The following THADA variants were observed in gnomAD, a reference collection of about 807,000 sequenced individuals.
The protein encoded by THADA is THADA armadillo repeat containing.
THADA carries 213 observed loss-of-function variants against 219.8 expected under a neutral mutation model. The observed-to-expected ratio is 0.97, with a 90% confidence interval of 0.87 to 1.09. The LOEUF (loss-of-function observed/expected upper bound fraction) is 1.09, where lower values mean the gene tolerates loss of function less well. Among genes scored for constraint, THADA ranks in the 50% least tolerant of loss-of-function variants. The pLI, the probability that THADA is intolerant of heterozygous loss-of-function variation, is 0.00. For synonymous variants in THADA, 1,018 were observed against 828.9 expected, an observed-to-expected ratio of 1.23 and a Z score of -3.92; for missense variants, 2,956 against 2,311.3, an observed-to-expected ratio of 1.28 and a Z score of -5.72.
intron 29 of THADA, among the ~76,000 whole-genome samples, chr2:43,385,028 C>T (rs1282935088): frequency 1.3e-5 from 2 of 151,942 alleles, no homozygotes; most frequent in Non-Finnish European, 2.9e-5. Flanking sequence ...GTAGTCCCTG[C>T]TATTTGGGAG....
At chr2:43,493,874 GTCT>G (rs1687953468) in intron 25 of THADA, among the ~76,000 whole-genome samples, 2 of 152,076 alleles carry the variant, frequency 1.3e-5, no homozygotes, top group African/African-American at 4.8e-5. Context: ...TTCCTGACTG[GTCT>G]TCTTCCTTCC....
At chr2:43,286,270 A>T (rs1673993833) in intron 35 of THADA, among the ~76,000 whole-genome samples, 1 of 152,162 alleles carries the variant, frequency 6.6e-6, no homozygotes, top group African/African-American at 2.4e-5. Context: ...TAGGGGACAG[A>T]AAAGGAAGGG....
At chr2:43,511,347 G>T (rs534217391) in intron 22 of THADA, among the ~76,000 whole-genome samples, 1 of 152,122 alleles carries the variant, frequency 6.6e-6, no homozygotes, top group African/African-American at 2.4e-5. Context: ...CCTCCCCTGG[G>T]CCTCCCTGAG....
At chr2:43,444,238 A>AGCATATCAAGAATGGTT (rs1365256336) in intron 26 of THADA, among the ~76,000 whole-genome samples, 1 of 152,174 alleles carries the variant, frequency 6.6e-6, no homozygotes, top group Non-Finnish European at 1.5e-5. Flanking sequence ...TGCACTTACT[A>AGCATATCAAGAATGGTT]GCATATCAAG....
At chr2:43,564,791 CA>C (rs1698474790) in intron 15 of THADA, 1 of 152,116 alleles carries the variant, frequency 6.6e-6, no homozygotes, top group Non-Finnish European at 1.5e-5. Flanking sequence ...AACATTCCTG[CA>C]AAAATGTACA....
intron 34 of THADA, among the ~76,000 whole-genome samples, chr2:43,287,985 A>C (rs1674243299): frequency 6.6e-6 from 1 of 152,238 alleles, no homozygotes; most frequent in Non-Finnish European, 1.5e-5. Flanking sequence ...GTGGGACCCT[A>C]AGATAGAAAC....
rs1274980791 is a variant in THADA at position 43,465,015 on chromosome 2, GA to G, written c.3836+20218del. On this transcript the variant is annotated intron_variant, in intron 26 of 37. Transcript: ENST00000405975. ...AAGATAAAAGCTGGTATATTTGGATGAAAAGAATCTTTTCCCTTAACATATT... is the reference window on the plus strand; with the variant it reads ...AAGATAAAAGCTGGTATATTTGGATGAAAGAATCTTTTCCCTTAACATATT... Among the ~76,000 whole-genome samples, 2 of 152,130 alleles carry G rather than the reference GA, an allele frequency of 1.3e-5. 1 individual carries two copies. Among genetic ancestry groups the G allele is most frequent in the East Asian group, 3.9e-4 (2 of 5,192 alleles).
chr2:43,365,443 C>T (rs775899989), intron 29 of THADA, among the ~76,000 whole-genome samples: 187 of 151,926 alleles, frequency 1.2e-3, no homozygotes, highest in Non-Finnish European at 2.3e-3. Flanking sequence ...TGGTGGCAGG[C>T]GCCTGTAGTC....
chr2:43,259,328 T>A (rs576660549), intron 36 of THADA, among the ~76,000 whole-genome samples: 1 of 152,338 alleles, frequency 6.6e-6, no homozygotes, highest in East Asian at 1.9e-4. Context: ...TCTTGATCCA[T>A]GAATGCTGGC....
At chr2:43,481,750 A>G (rs539092189) in intron 26 of THADA, among the ~76,000 whole-genome samples, 1 of 152,304 alleles carries the variant, frequency 6.6e-6, no homozygotes, top group South Asian at 2.1e-4. Context: ...AGTTCATGAT[A>G]AGTGCTTTCA....
rs1701484737 is a variant in THADA, at chr2:43,590,853, T to C, written c.273A>G (p.Leu91=). The change falls in exon 4 of 38, where the codon CTA becomes CTG. Residue 91 remains leucine, a synonymous_variant. Transcript: ENST00000405975. The part of the protein sequence containing the change: ...ILAGIYLSLS[L]KNPLKKVLAS... ...CCAATACTTTCTTCAAGGGATTCTT[T>C]AGACTCAAAGAAAGATAAATGCCTG... 2 of 1,613,806 alleles carry C rather than the reference T, an allele frequency of 1.2e-6. No homozygotes were observed. Among genetic ancestry groups the C allele is most frequent in the South Asian group, 1.1e-5 (1 of 91,078 alleles).
chr2:43,394,167 C>T (rs191103862), intron 29 of THADA, among the ~76,000 whole-genome samples: 3 of 152,290 alleles, frequency 2.0e-5, no homozygotes, highest in East Asian at 1.9e-4. Flanking sequence ...ATGAATCTGC[C>T]GCATAACCTC....
chr2:43,423,309 G>C (rs1357448306), intron 28 of THADA, among the ~76,000 whole-genome samples: 1 of 152,142 alleles, frequency 6.6e-6, no homozygotes, highest in Non-Finnish European at 1.5e-5. Flanking sequence ...AAAGTTGCAA[G>C]AGATTCTTTC....
intron 26 of THADA, among the ~76,000 whole-genome samples, chr2:43,474,530 T>C (rs1426429212): frequency 6.6e-6 from 1 of 152,204 alleles, no homozygotes; most frequent in Non-Finnish European, 1.5e-5. Context: ...AGTACTCAGA[T>C]CCTTGAACCT....
chr2:43,527,911 A>C lies in THADA; in HGVS notation c.3342T>G (p.Thr1114=). ...GTACTTCAGTGAGTTTCACAAAACC[A>C]GTATAAGCCAATTCAAATGCTCCTC... is the stretch of plus-strand genomic sequence containing the variant. ...RHRGAFELAY[T]GFVKLTEVLN... Residue 1114 remains threonine (T), a synonymous_variant, in exon 22 of 38, where the codon ACT becomes ACG. Coordinates refer to ENST00000405975, the MANE Select transcript of THADA (RefSeq NM_022065.5). 2 of 1,613,302 alleles carry C rather than the reference A, an allele frequency of 1.2e-6. No homozygotes were observed. The highest frequency in any genetic ancestry group is 1.7e-6 in the Non-Finnish European group (2 of 1,179,502).
chr2:43,421,041 C>T (rs1677653771), intron 28 of THADA, among the ~76,000 whole-genome samples: 1 of 152,176 alleles, frequency 6.6e-6, no homozygotes, highest in Admixed American at 6.5e-5. Context: ...TAAAACACCA[C>T]CATTAGAGTT....
At chr2:43,507,256 G>C (rs1689794756) in intron 23 of THADA, among the ~76,000 whole-genome samples, 1 of 152,114 alleles carries the variant, frequency 6.6e-6, no homozygotes, top group East Asian at 1.9e-4. Flanking sequence ...CAAAGAGCTA[G>C]GTAAAGTTAT....
At chr2:43,587,501 C>G (rs1045318715) in intron 4 of THADA, among the ~76,000 whole-genome samples, 7 of 152,132 alleles carry the variant, frequency 4.6e-5, no homozygotes, top group Non-Finnish European at 7.4e-5. Context: ...TTCTGACATA[C>G]CAGTCTTTGC....
Position 43,397,951 on chromosome 2 carries a change from C to T in THADA, c.4227+20G>A, listed in dbSNP as rs1674286468. On this transcript the variant is annotated intron_variant, in intron 29 of 37. Coordinates refer to ENST00000405975, the MANE Select transcript of THADA (RefSeq NM_022065.5). ...ATCTTATGGTGTTTGACAGAAGTCA[C>T]ACAAAGCAACTTTACTTACCTGGAG... 2 of 1,613,000 alleles carry T rather than the reference C, an allele frequency of 1.2e-6. No individual in the cohort carries two copies. The highest frequency in any genetic ancestry group is 1.7e-6 in the Non-Finnish European group (2 of 1,179,176).
Sources: allele counts gnomAD v4.1 joint callset (sites outside exome capture counted in the v4.1 genomes callset), GRCh38; gene constraint gnomAD v4.1.1; transcripts MANE v1.5; gene names NCBI Gene and HGNC (gene_info 2026-07-23, HGNC 2026-07-21).